The following MSR1 variants were observed in gnomAD, a reference collection of about 807,000 sequenced individuals.
MSR1 encodes the protein macrophage scavenger receptor types I and II.
Under a neutral mutation model 47.2 loss-of-function variants are expected in MSR1, and 53 were observed. The ratio of observed to expected loss-of-function variants is 1.12; its 90% CI spans 0.90 to 1.41. The LOEUF (loss-of-function observed/expected upper bound fraction) is 1.41. Among genes scored for constraint, MSR1 ranks in the 40% most tolerant of loss-of-function variants. The probability of loss-of-function intolerance (pLI) is 0.00; values close to 1 mark genes in which losing one functional copy is unlikely to be tolerated. For synonymous variants in MSR1, 239 were observed against 185.6 expected, an observed-to-expected ratio of 1.29 and a Z score of -2.34; for missense variants, 786 against 546.9, an observed-to-expected ratio of 1.44 and a Z score of -4.36.
chr8:16,150,162 A>ATATATATATATATATATG (rs1800813205), intron 7 of MSR1, 69 bp downstream of exon 7: 2 of 277,820 alleles, frequency 7.2e-6, no homozygotes, highest in African/African-American at 4.8e-5. Flanking sequence ...ATATATATAT[A>ATATATATATATATATATG]TATATATATA....
chr8:16,183,089 G>A (rs547478946), intron 1 of MSR1, among the ~76,000 whole-genome samples: 10 of 152,122 alleles, frequency 6.6e-5, no homozygotes, highest in African/African-American at 2.4e-4. Context: ...TCATACATAT[G>A]GTCCTGTGTT....
rs762502637 is a variant in MSR1 at position 16,168,441 on chromosome 8, A to C, written c.630+17T>G. ...ATTCAGTTCCAGCAAGTGACCTTGC[A>C]GTCCACAAACTCTTACCTCTTGTTG... is the stretch of plus-strand genomic sequence containing the variant. On this transcript the variant is annotated intron_variant, in intron 4 of 9. Coordinates refer to ENST00000262101, the MANE Select transcript of MSR1 (RefSeq NM_138715.3). 1 of 1,613,838 alleles carries C rather than the reference A, an allele frequency of 6.2e-7. No homozygotes were observed. The highest frequency in any genetic ancestry group is 8.5e-7 in the Non-Finnish European group (1 of 1,179,836).
intron 5 of MSR1, among the ~76,000 whole-genome samples, chr8:16,158,459 G>A (rs1011720741): frequency 1.3e-5 from 2 of 151,902 alleles, no homozygotes; most frequent in Admixed American, 1.3e-4. Context: ...AAAATCCTCA[G>A]ACGATAACAT....
intron 9 of MSR1, among the ~76,000 whole-genome samples, chr8:16,113,425 G>A (rs1358065439): frequency 6.6e-6 from 1 of 152,068 alleles, no homozygotes; most frequent in African/African-American, 2.4e-5. Context: ...AAATGGGAGA[G>A]CAAATATCAT....
At chr8:16,112,252 G>T (rs1284969134) in intron 9 of MSR1, among the ~76,000 whole-genome samples, 1 of 152,086 alleles carries the variant, frequency 6.6e-6, no homozygotes, top group Non-Finnish European at 1.5e-5. Flanking sequence ...AAGGTAATAT[G>T]CTAGGTCTTT....
intron 9 of MSR1, among the ~76,000 whole-genome samples, chr8:16,118,141 T>C (rs1202055955): frequency 6.6e-6 from 1 of 152,166 alleles, no homozygotes. Context: ...ATACTGAGCT[T>C]GTCTGCATTG....
In MSR1 at chr8:16,133,668, C is replaced by A. The variant is rs1585147013; in HGVS notation, c.1033+9890G>T. Among the ~76,000 whole-genome samples, 2 of 152,270 alleles carry A rather than the reference C, an allele frequency of 1.3e-5. 1 individual carries two copies. The highest frequency in any genetic ancestry group is 2.9e-5 in the Non-Finnish European group (2 of 68,012). On this transcript the variant is annotated intron_variant, in intron 8 of 9. Coordinates refer to ENST00000262101, the MANE Select transcript of MSR1 (RefSeq NM_138715.3). ...TGGTCTGCTTTTGCTTTGACTGTAA[C>A]ACTTCTACCTCTTGGTAGCCATTGC...
chr8:16,187,686 G>T (rs1321476824), intron 1 of MSR1, among the ~76,000 whole-genome samples: 1 of 152,050 alleles, frequency 6.6e-6, no homozygotes, highest in African/African-American at 2.4e-5. Context: ...TATTTTTCAA[G>T]ATGACTGGAT....
chr8:16,162,158 G>A (rs1337780191), intron 5 of MSR1, among the ~76,000 whole-genome samples: 1 of 151,974 alleles, frequency 6.6e-6, no homozygotes, highest in Non-Finnish European at 1.5e-5. Context: ...CTGCAGATAT[G>A]AAAGACAAAG....
chr8:16,110,292 A>C, intron 9 of MSR1, 74 bp from the exon 10 acceptor site: 2 of 1,525,632 alleles, frequency 1.3e-6, no homozygotes, highest in Admixed American at 3.3e-5. Flanking sequence ...CAAAGCCATT[A>C]ATTCCTTCAC....
At chr8:16,121,785 G>GA (rs1800011386) in intron 8 of MSR1, among the ~76,000 whole-genome samples, 2 of 151,746 alleles carry the variant, frequency 1.3e-5, no homozygotes, top group Admixed American at 6.6e-5. Context: ...TCTCTAATGT[G>GA]AAAATGGAGT....
intron 8 of MSR1, among the ~76,000 whole-genome samples, chr8:16,124,209 C>G (rs536829129): frequency 6.6e-6 from 1 of 152,196 alleles, no homozygotes; most frequent in African/African-American, 2.4e-5. Context: ...ACATGGCATT[C>G]CCACAGTGAG....
At chr8:16,119,442 T>C (rs1037158557) in intron 9 of MSR1, among the ~76,000 whole-genome samples, 2 of 152,064 alleles carry the variant, frequency 1.3e-5, no homozygotes, top group African/African-American at 4.8e-5. Context: ...GCCAGGCTGA[T>C]CTCGAACTCC....
chr8:16,144,434 T>C (rs561213897), intron 7 of MSR1, among the ~76,000 whole-genome samples: 70 of 152,236 alleles, frequency 4.6e-4, no homozygotes, highest in African/African-American at 1.6e-3. Context: ...ATCCTAGTGC[T>C]CTCTGTCTCA....
intron 8 of MSR1, among the ~76,000 whole-genome samples, chr8:16,122,936 C>T (rs1434657482): frequency 6.6e-6 from 1 of 150,842 alleles, no homozygotes; most frequent in Non-Finnish European, 1.5e-5. Flanking sequence ...GCTCCACCTC[C>T]CGGGTTCAAG....
At chr8:16,148,821 A>C (rs1800768944) in intron 7 of MSR1, among the ~76,000 whole-genome samples, 1 of 152,142 alleles carries the variant, frequency 6.6e-6, no homozygotes, top group Non-Finnish European at 1.5e-5. Context: ...ATTGTGGTAA[A>C]TCCATAAAAT....
chr8:16,125,659 G>C (rs1800111699), intron 8 of MSR1, among the ~76,000 whole-genome samples: 1 of 152,096 alleles, frequency 6.6e-6, no homozygotes, highest in Admixed American at 6.6e-5. Context: ...ACAAAAACAT[G>C]AACGGAAGGA....
At chr8:16,170,072 G>A (rs1026202289) in intron 3 of MSR1, among the ~76,000 whole-genome samples, 10 of 152,056 alleles carry the variant, frequency 6.6e-5, no homozygotes, top group Admixed American at 1.3e-4. Context: ...AAAATAGGCC[G>A]GGTGCGTTGG....
intron 7 of MSR1, 128 bp downstream of exon 7, chr8:16,150,103 C>A: frequency 4.9e-6 from 1 of 204,744 alleles, no homozygotes; most frequent in Non-Finnish European, 9.5e-6. Context: ...ATGTATACTA[C>A]ATATATAACA....
Sources: allele counts gnomAD v4.1 joint callset (sites outside exome capture counted in the v4.1 genomes callset), GRCh38; gene constraint gnomAD v4.1.1; transcripts MANE v1.5; gene names NCBI Gene and HGNC (gene_info 2026-07-23, HGNC 2026-07-21).